The following ANK2 variants were observed in gnomAD, a reference collection of about 807,000 sequenced individuals.
ANK2 encodes the protein ankyrin 2.
ANK2 carries 83 observed loss-of-function variants against 360.5 expected under a neutral mutation model. The observed-to-expected ratio is 0.23, with a 90% CI of 0.19 to 0.28. The LOEUF (loss-of-function observed/expected upper bound fraction) is 0.28, where lower values mean the gene tolerates loss of function less well. ANK2 is among the 10% of genes least tolerant of loss of function. ANK2 has a pLI of 1.00. For missense variants in ANK2, 4,201 were observed against 4,795.7 expected (o/e 0.88, Z 3.66); for synonymous variants, 1,740 against 1,759.5 (o/e 0.99, Z 0.28).
chr4:113,271,112 T>G (rs2058324291), intron 14 of ANK2, among the ~76,000 whole-genome samples: 1 of 152,230 alleles, frequency 6.6e-6, no homozygotes, highest in Non-Finnish European at 1.5e-5. Context: ...TTCCGCATCT[T>G]TCTCCTAACT....
At chr4:112,794,903 G>A in the ANK2 span, among the ~76,000 whole-genome samples, 1 of 152,196 alleles carries the variant, frequency 6.6e-6, no homozygotes, top group Non-Finnish European at 1.5e-5. Context: ...AGAATAGAAT[G>A]AGCCTGGGCT....
At chr4:113,138,719 G>T (rs2096534811) in intron 1 of ANK2, among the ~76,000 whole-genome samples, 1 of 152,162 alleles carries the variant, frequency 6.6e-6, no homozygotes, top group Non-Finnish European at 1.5e-5. Flanking sequence ...CTGTGTTACA[G>T]TTGAAGAAAT....
intron 1 of ANK2, among the ~76,000 whole-genome samples, chr4:112,887,737 TAAA>T (rs558010542): frequency 6.8e-6 from 1 of 146,614 alleles, no homozygotes; most frequent in Non-Finnish European, 1.5e-5. Context: ...GTTGTACAAA[TAAA>T]AAAAAAAGCA....
chr4:113,175,553 G>A (rs1377235642), intron 2 of ANK2, among the ~76,000 whole-genome samples: 1 of 152,058 alleles, frequency 6.6e-6, no homozygotes, highest in Non-Finnish European at 1.5e-5. Flanking sequence ...ATCACCTTGT[G>A]GTACTTAACA....
intron 2 of ANK2, among the ~76,000 whole-genome samples, chr4:112,940,766 G>GA (rs1303805639): frequency 6.6e-6 from 1 of 152,000 alleles, no homozygotes; most frequent in Non-Finnish European, 1.5e-5. Context: ...TTTTTTGCAT[G>GA]AAAAAATATA....
intron 4 of ANK2, among the ~76,000 whole-genome samples, chr4:113,219,637 T>A (rs1398276505): frequency 6.6e-6 from 1 of 152,174 alleles, no homozygotes; most frequent in African/African-American, 2.4e-5. Flanking sequence ...ATCCACCTGC[T>A]TTTTTGTAGT....
intron 1 of ANK2, among the ~76,000 whole-genome samples, chr4:113,159,849 T>C (rs549163817): frequency 6.6e-6 from 1 of 152,200 alleles, no homozygotes; most frequent in South Asian, 2.1e-4. Flanking sequence ...CTCAAACTCC[T>C]GACCTCAGGT....
At chr4:113,149,874 CAAAAA>C (rs34667216) in intron 1 of ANK2, among the ~76,000 whole-genome samples, 85 of 31,398 alleles carry the variant, frequency 2.7e-3, no homozygotes, top group South Asian at 4.6e-3. Flanking sequence ...GACCCTGCCT[CAAAAA>C]AAAAAAAAAA....
intron 4 of ANK2, among the ~76,000 whole-genome samples, chr4:113,200,497 G>C (rs2098814123): frequency 6.6e-6 from 1 of 152,088 alleles, no homozygotes; most frequent in Non-Finnish European, 1.5e-5. Context: ...CACTTTTAGA[G>C]TCCCTAGTAT....
At chr4:113,049,294 G>A (rs1287560309), upstream of ANK2, among the ~76,000 whole-genome samples, 27 of 152,028 alleles carry the variant, frequency 1.8e-4, 1 homozygote, top group Admixed American at 1.8e-3. Flanking sequence ...ACCTCTTCAG[G>A]TTCAGAGACA....
chr4:112,781,827 A>ATTTTTTTTTT, the ANK2 span, among the ~76,000 whole-genome samples: 2 of 124,774 alleles, frequency 1.6e-5, no homozygotes, highest in African/African-American at 6.0e-5. Flanking sequence ...TGATAACAGT[A>ATTTTTTTTTT]TTTTTTTTTT....
intron 31 of ANK2, among the ~76,000 whole-genome samples, chr4:113,338,706 T>C (rs1479271004): frequency 6.6e-6 from 1 of 151,888 alleles, no homozygotes; most frequent in Non-Finnish European, 1.5e-5. Context: ...CCCACCACTA[T>C]GCCCGGCTAA....
At position 113,356,106 on chromosome 4, in the gene ANK2, A is replaced by G. The variant is rs143161930; in HGVS notation, c.7488A>G (p.Thr2496=). The change falls in exon 38 of 46, where the codon ACA becomes ACG. Residue 2496 remains threonine (T), a synonymous_variant. Coordinates refer to ENST00000357077, the MANE Select transcript of ANK2 (RefSeq NM_001148.6). ...CTCTTCCTGCAGCTGTTGCCAAAAC[A>G]GAACTCTTGACGGAAGTGGCCTCTG... The part of the protein sequence containing the change: ...HFPLPAAVAK[T]ELLTEVASVR... The G allele has an allele frequency of 3.8e-4, 613 of 1,614,162 alleles. 7 individuals are homozygous for G. In the South Asian group the frequency reaches 4.0e-3, roughly 11 times the overall value.
At chr4:113,049,556 C>T, upstream of ANK2, 1 of 1,287,684 alleles carries the variant, frequency 7.8e-7, no homozygotes, top group Non-Finnish European at 1.1e-6. Context: ...GTCAGATAAA[C>T]AGTTGTGGCA....
At chr4:112,953,246 C>T (rs2095141288) in intron 2 of ANK2, among the ~76,000 whole-genome samples, 1 of 152,234 alleles carries the variant, frequency 6.6e-6, no homozygotes, top group Admixed American at 6.5e-5. Context: ...TCTGCATTCA[C>T]AGATGCAGGT....
intron 1 of ANK2, among the ~76,000 whole-genome samples, chr4:113,093,033 G>T (rs1266638520): frequency 6.6e-6 from 1 of 152,130 alleles, no homozygotes; most frequent in South Asian, 2.1e-4. Flanking sequence ...TTGACCTTGA[G>T]CCTGACATTT....
chr4:113,360,835 A>G lies in ANK2; in HGVS notation c.10694A>G (p.Glu3565Gly). 1 of 1,612,620 alleles carries G rather than the reference A, an allele frequency of 6.2e-7. No homozygotes were observed. The highest frequency in any genetic ancestry group is 8.5e-7 in the Non-Finnish European group (1 of 1,179,226). The change falls in exon 39 of 46, where the codon GAG becomes GGG. Residue 3565 changes from glutamate (E) to glycine (G), a missense_variant. Glu to Gly is a moderately conservative substitution (Grantham distance 98). Coordinates refer to ENST00000357077, the MANE Select transcript of ANK2 (RefSeq NM_001148.6). ...TGACCTTCTCCAGATCCACAGGATGAGCAGGAACGGATCGAGGAAAGGCTG... is the reference window on the plus strand; with the variant it reads ...TGACCTTCTCCAGATCCACAGGATGGGCAGGAACGGATCGAGGAAAGGCTG... ...GHDHAEDPQDEQERIEERLAY... is the reference protein window; with the variant it reads ...GHDHAEDPQDGQERIEERLAY...
At chr4:112,754,556 C>T in the ANK2 span, among the ~76,000 whole-genome samples, 1 of 148,730 alleles carries the variant, frequency 6.7e-6, no homozygotes, top group South Asian at 2.1e-4. Context: ...TTAATGAGTT[C>T]CAGGGGCTAA....
the ANK2 span, among the ~76,000 whole-genome samples, chr4:112,727,834 G>C: frequency 1.3e-5 from 2 of 152,090 alleles, no homozygotes; most frequent in Non-Finnish European, 2.9e-5. Context: ...CAAAAAATTA[G>C]CTGGGCGTAG....
Sources: gnomAD v4.1 joint callset for allele counts (sites outside exome capture counted in the v4.1 genomes callset) on GRCh38, gnomAD v4.1.1 for gene constraint, MANE v1.5 for transcripts, NCBI Gene and HGNC (gene_info 2026-07-23, HGNC 2026-07-21) for gene names.